Variants in HPSE2 observed in about 807,000 individuals in gnomAD.
The protein encoded by HPSE2 is heparanase 2 (inactive).
HPSE2 carries 38 observed loss-of-function variants against 60.5 expected under a neutral mutation model. That is an observed-to-expected ratio of 0.63 (90% confidence interval 0.48 to 0.82). The LOEUF is 0.82. Ranked by LOEUF, HPSE2 falls within the 40% of genes least tolerant of loss-of-function variation. HPSE2 has a pLI of 0.00. For synonymous variants in HPSE2, 295 were observed against 293.2 expected, an observed-to-expected ratio of 1.01 and a Z score of -0.06; for missense variants, 713 against 740.4, an observed-to-expected ratio of 0.96 and a Z score of 0.43.
chr10:98,993,986 G>T (rs567584358), intron 3 of HPSE2, among the ~76,000 whole-genome samples: 1 of 152,312 alleles, frequency 6.6e-6, no homozygotes. Flanking sequence ...GTATTCCATA[G>T]CTCTTGGTTT....
intron 3 of HPSE2, among the ~76,000 whole-genome samples, chr10:99,019,081 C>T (rs1221162819): frequency 6.6e-6 from 1 of 152,164 alleles, no homozygotes; most frequent in East Asian, 1.9e-4. Context: ...ATTGGCAGCC[C>T]TGCTGGATGA....
chr10:99,277,498 T>A, the HPSE2 span, among the ~76,000 whole-genome samples: 1 of 152,158 alleles, frequency 6.6e-6, no homozygotes, highest in Non-Finnish European at 1.5e-5. Context: ...GATGAAACCA[T>A]GAAAAGACAG....
chr10:98,648,099 C>A (rs964576688), intron 6 of HPSE2, among the ~76,000 whole-genome samples: 2 of 152,198 alleles, frequency 1.3e-5, no homozygotes, highest in Non-Finnish European at 2.9e-5. Flanking sequence ...CCAACCGAGG[C>A]TCAAGTGCCA....
At chr10:98,824,697 C>T (rs1951502316) in intron 3 of HPSE2, among the ~76,000 whole-genome samples, 1 of 152,124 alleles carries the variant, frequency 6.6e-6, no homozygotes. Context: ...TCAGCTTGTC[C>T]ATCTGAGGAC....
At chr10:98,960,701 C>CTTTTTTTTTTTTTTTTTTTTTTTT in intron 3 of HPSE2, among the ~76,000 whole-genome samples, 38 of 57,520 alleles carry the variant, frequency 6.6e-4, no homozygotes, top group South Asian at 1.2e-3. Flanking sequence ...ATGTACATTT[C>CTTTTTTTTTTTTTTTTTTTTTTTT]TTTTTTTTTT....
intron 4 of HPSE2, among the ~76,000 whole-genome samples, chr10:98,741,679 A>G (rs1949501395): frequency 6.6e-6 from 1 of 152,164 alleles, no homozygotes; most frequent in South Asian, 2.1e-4. Context: ...GGGCGTATCT[A>G]TTATTAGTTG....
intron 9 of HPSE2, among the ~76,000 whole-genome samples, chr10:98,583,925 G>A (rs1212003191): frequency 6.6e-6 from 1 of 152,122 alleles, no homozygotes; most frequent in Non-Finnish European, 1.5e-5. Flanking sequence ...CATTTGGGCT[G>A]TTTCCACTTT....
intron 2 of HPSE2, among the ~76,000 whole-genome samples, chr10:99,153,051 A>T (rs1465634546): frequency 1.3e-5 from 2 of 152,234 alleles, no homozygotes; most frequent in Non-Finnish European, 2.9e-5. Flanking sequence ...GACCGGCTTA[A>T]AAAACTGCGC....
chr10:98,713,125 A>G (rs1029510171), intron 5 of HPSE2, among the ~76,000 whole-genome samples: 4 of 152,074 alleles, frequency 2.6e-5, no homozygotes, highest in Non-Finnish European at 5.9e-5. Context: ...AGCTTAGCAC[A>G]TAACCAGGCC....
chr10:99,272,392 C>T, the HPSE2 span, among the ~76,000 whole-genome samples: 2 of 151,858 alleles, frequency 1.3e-5, no homozygotes, highest in African/African-American at 4.8e-5. Flanking sequence ...CAACCAAGAA[C>T]CCAAAAGCAA....
At chr10:99,006,007 T>C (rs1233228466) in intron 3 of HPSE2, among the ~76,000 whole-genome samples, 1 of 152,120 alleles carries the variant, frequency 6.6e-6, no homozygotes, top group Admixed American at 6.5e-5. Flanking sequence ...GACCTGTTGA[T>C]TGGTTCCTCA....
the HPSE2 span, among the ~76,000 whole-genome samples, chr10:99,273,999 T>C: frequency 6.6e-5 from 10 of 152,204 alleles, no homozygotes; most frequent in Admixed American, 2.6e-4. Context: ...TCTGGAGTCA[T>C]ATAACTTCCC....
At chr10:99,229,739 C>T (rs1849585726) in intron 2 of HPSE2, among the ~76,000 whole-genome samples, 1 of 152,166 alleles carries the variant, frequency 6.6e-6, no homozygotes, top group Admixed American at 6.5e-5. Flanking sequence ...TCTTATTACT[C>T]AAAATGTATG....
At chr10:98,586,577 C>T (rs1325742235) in intron 9 of HPSE2, among the ~76,000 whole-genome samples, 1 of 152,124 alleles carries the variant, frequency 6.6e-6, no homozygotes, top group Non-Finnish European at 1.5e-5. Context: ...AACAAATACT[C>T]TGGAAAAAAT....
intron 3 of HPSE2, among the ~76,000 whole-genome samples, chr10:99,133,612 C>A (rs1469462631): frequency 6.6e-6 from 1 of 152,104 alleles, no homozygotes; most frequent in Non-Finnish European, 1.5e-5. Flanking sequence ...CAGGAGTGGG[C>A]CTCCAGCAAA....
At chr10:98,830,383 A>G (rs1348220173) in intron 3 of HPSE2, among the ~76,000 whole-genome samples, 3 of 152,206 alleles carry the variant, frequency 2.0e-5, no homozygotes, top group Non-Finnish European at 4.4e-5. Context: ...ACAGGACTTA[A>G]CTGGAAGGAG....
chr10:99,003,869 T>C (rs1800059682), intron 3 of HPSE2, among the ~76,000 whole-genome samples: 1 of 152,124 alleles, frequency 6.6e-6, no homozygotes, highest in Non-Finnish European at 1.5e-5. Flanking sequence ...GCCTATGCTT[T>C]TGAGGTCATG....
intron 9 of HPSE2, among the ~76,000 whole-genome samples, chr10:98,559,255 T>C (rs1338710978): frequency 1.3e-5 from 2 of 152,190 alleles, no homozygotes; most frequent in Admixed American, 1.3e-4. Flanking sequence ...CTTAAATTCC[T>C]GACCTTAAGT....
chr10:98,687,935 T>A (rs1947960106), intron 6 of HPSE2, among the ~76,000 whole-genome samples: 1 of 152,222 alleles, frequency 6.6e-6, no homozygotes, highest in African/African-American at 2.4e-5. Context: ...TTAGGACATT[T>A]ACACTTAGTA....
Sources: allele counts gnomAD v4.1 joint callset (sites outside exome capture counted in the v4.1 genomes callset), GRCh38; gene constraint gnomAD v4.1.1; transcripts MANE v1.5; gene names NCBI Gene and HGNC (gene_info 2026-07-23, HGNC 2026-07-21).